The following ZDHHC2 variants were observed in gnomAD, a reference collection of about 807,000 sequenced individuals.
ZDHHC2 encodes the protein palmitoyltransferase ZDHHC2.
A neutral mutation model predicts 55.6 loss-of-function variants in ZDHHC2; 51 were observed. That is an observed-to-expected ratio of 0.92 (90% CI 0.73 to 1.16). The LOEUF is 1.16. Among genes scored for constraint, ZDHHC2 ranks in the 50% most tolerant of loss-of-function variants. The pLI is 0.00. For synonymous variants in ZDHHC2, 199 were observed against 152.9 expected (o/e 1.30, Z -2.22); for missense variants, 491 against 442.4 (o/e 1.11, Z -0.99).
intron 1 of ZDHHC2, among the ~76,000 whole-genome samples, chr8:17,175,774 G>A (rs1193729568): frequency 1.3e-5 from 2 of 152,228 alleles, no homozygotes; most frequent in Non-Finnish European, 1.5e-5. Context: ...TACAGGTTGT[G>A]TGAGATGCTA....
At chr8:17,157,093 CCGA>C (rs1263397287) in intron 1 of ZDHHC2, among the ~76,000 whole-genome samples, 5 of 152,202 alleles carry the variant, frequency 3.3e-5, no homozygotes, top group African/African-American at 1.2e-4. Flanking sequence ...GCACTCGCCG[CCGA>C]GCCTCCCGCC....
chr8:17,156,552 C>G lies in ZDHHC2; in HGVS notation c.-172C>G, dbSNP rs1804053141. 9.0e-6 allele frequency: 3 copies of G among 333,100 alleles called. No homozygotes were observed. Among genetic ancestry groups the G allele is most frequent in the Non-Finnish European group, 1.3e-5 (3 of 232,418 alleles). 20.6% of individuals were successfully genotyped at this position (333,100 alleles called of 1,614,324 possible). ...GCTGAGGAGCCGGGAGTCCGCCGCG[C>G]CGGCTCGGGGCTGCGGGATGGGGAG... On this transcript the variant is annotated 5_prime_UTR_variant, in exon 1 of 13. Transcript: ENST00000262096.
At chr8:17,200,357 C>T (rs1302170240) in intron 6 of ZDHHC2, among the ~76,000 whole-genome samples, 1 of 152,236 alleles carries the variant, frequency 6.6e-6, no homozygotes, top group Admixed American at 6.5e-5. Flanking sequence ...AATGCTTTAT[C>T]CTTCCTGTCT....
intron 10 of ZDHHC2, among the ~76,000 whole-genome samples, 169 bp from the exon 11 acceptor site, chr8:17,215,068 G>A (rs1323765768): frequency 6.6e-6 from 1 of 152,096 alleles, no homozygotes; most frequent in Non-Finnish European, 1.5e-5. Context: ...TTCTCACCGC[G>A]AGTCAGTGCT....
rs1805716883 is a variant in ZDHHC2, at chr8:17,186,468, A to AC, written c.252+43_252+44insC. 4 of 1,180,952 alleles carry AC rather than the reference A, an allele frequency of 3.4e-6. No homozygotes were observed. In the African/African-American group the frequency reaches 4.9e-5, roughly 14 times the overall value. The allele number at this position is 1,180,952 out of a possible 1,614,324, so 73.2% of individuals were successfully genotyped here. ...CGAAATTATTCTAATAATAGAAATC[A>AC]ATAATACTGATGTATTATTGAAGAA... On this transcript the variant is annotated intron_variant, in intron 3 of 12. Transcript: ENST00000262096.
At chr8:17,183,858 T>G (rs1345503893) in intron 1 of ZDHHC2, among the ~76,000 whole-genome samples, 3 of 152,048 alleles carry the variant, frequency 2.0e-5, no homozygotes, top group East Asian at 3.9e-4. Context: ...ATGCCTGAAC[T>G]TATATTTGGT....
At chr8:17,194,274 T>G (rs1339439435) in intron 3 of ZDHHC2, among the ~76,000 whole-genome samples, 1 of 150,832 alleles carries the variant, frequency 6.6e-6, no homozygotes, top group Admixed American at 6.6e-5. Flanking sequence ...GACATATCAC[T>G]TTTAAAGTTT....
At chr8:17,217,305 G>T in intron 12 of ZDHHC2, 59 bp downstream of exon 12, 6 of 1,201,288 alleles carry the variant, frequency 5.0e-6, no homozygotes, top group Non-Finnish European at 5.8e-6. Context: ...TTTTATTAGG[G>T]CAAATAGTTT....
intron 1 of ZDHHC2, among the ~76,000 whole-genome samples, chr8:17,172,814 C>G (rs1180376585): frequency 6.6e-6 from 1 of 152,068 alleles, no homozygotes; most frequent in Non-Finnish European, 1.5e-5. Flanking sequence ...GGTCAGGAAG[C>G]CTATCCCATC....
intron 1 of ZDHHC2, among the ~76,000 whole-genome samples, chr8:17,177,202 A>C (rs559897394): frequency 6.6e-6 from 1 of 152,344 alleles, no homozygotes; most frequent in African/African-American, 2.4e-5. Context: ...ACAGAAAATT[A>C]GCTTAGGGAG....
intron 6 of ZDHHC2, among the ~76,000 whole-genome samples, chr8:17,202,107 AAC>A (rs1806814497): frequency 6.6e-6 from 1 of 152,256 alleles, no homozygotes; most frequent in Non-Finnish European, 1.5e-5. Flanking sequence ...AAGGTTAAGT[AAC>A]ACAAATAAAA....
chr8:17,204,344 T>C (rs1336979694), intron 6 of ZDHHC2, among the ~76,000 whole-genome samples: 1 of 152,152 alleles, frequency 6.6e-6, no homozygotes, highest in Admixed American at 6.5e-5. Flanking sequence ...ACAAGAACGT[T>C]TGAGAAAAGG....
At chr8:17,218,979 G>T (rs1005272137) in intron 12 of ZDHHC2, among the ~76,000 whole-genome samples, 4 of 151,832 alleles carry the variant, frequency 2.6e-5, no homozygotes, top group Non-Finnish European at 2.9e-5. Flanking sequence ...GGCCGGGCGC[G>T]GTGGCTCACG....
intron 6 of ZDHHC2, among the ~76,000 whole-genome samples, chr8:17,205,305 T>C (rs141779080): frequency 3.3e-5 from 5 of 152,344 alleles, no homozygotes; most frequent in Non-Finnish European, 5.9e-5. Flanking sequence ...AACCCAAAGA[T>C]GGCGTAGAGG....
Position 17,156,556 on chromosome 8 carries a change from C to T in ZDHHC2, c.-168C>T, listed in dbSNP as rs1804053561. The T allele has an allele frequency of 2.8e-6, 1 of 355,176 alleles. No individual in the cohort carries two copies. The highest frequency in any genetic ancestry group is 4.0e-6 in the Non-Finnish European group (1 of 252,244). 22.0% of individuals were successfully genotyped at this position (355,176 alleles called of 1,614,324 possible). ...AGGAGCCGGGAGTCCGCCGCGCCGG[C>T]TCGGGGCTGCGGGATGGGGAGTTAG... On this transcript the variant is annotated 5_prime_UTR_variant, in exon 1 of 13. Coordinates refer to ENST00000262096, the MANE Select transcript of ZDHHC2 (RefSeq NM_016353.5).
At chr8:17,187,383 A>T (rs1406519109) in intron 3 of ZDHHC2, among the ~76,000 whole-genome samples, 1 of 152,148 alleles carries the variant, frequency 6.6e-6, no homozygotes, top group African/African-American at 2.4e-5. Flanking sequence ...GCTAACTCTA[A>T]TAACAGTGTA....
rs34608913 is a variant in ZDHHC2, at chr8:17,221,980, GTTTTTTTTTTTT to G, written c.*1769_*1780del. ...TTAAGAATTATATGAAGTCAGGTTT[GTTTTTTTTTTTT>G]TTTTTTTTTCAAAGCACAGTACTGT... is the stretch of plus-strand genomic sequence containing the variant. On this transcript the variant is annotated 3_prime_UTR_variant, in exon 13 of 13. Coordinates refer to ENST00000262096, the MANE Select transcript of ZDHHC2 (RefSeq NM_016353.5). 4 of 99,572 alleles carry G rather than the reference GTTTTTTTTTTTT, an allele frequency of 4.0e-5. No individual in the cohort carries two copies. The highest frequency in any genetic ancestry group is 1.5e-4 in the African/African-American group (4 of 26,544). 6.2% of individuals were successfully genotyped at this position (99,572 alleles called of 1,614,324 possible). A position where few individuals can be genotyped will look rare whatever the true frequency, so the allele number is the denominator to read the frequency against.
intron 1 of ZDHHC2, among the ~76,000 whole-genome samples, chr8:17,176,428 A>G (rs1161714384): frequency 6.6e-6 from 1 of 152,166 alleles, no homozygotes; most frequent in African/African-American, 2.4e-5. Context: ...TGTTAGAATG[A>G]CTTTTGCCTT....
chr8:17,193,196 G>A (rs925174129), intron 3 of ZDHHC2, among the ~76,000 whole-genome samples: 17 of 152,166 alleles, frequency 1.1e-4, no homozygotes, highest in African/African-American at 3.9e-4. Context: ...TCCTTGGGAA[G>A]GCTTTCCAGG....
Sources: allele counts gnomAD v4.1 joint callset (sites outside exome capture counted in the v4.1 genomes callset), GRCh38; gene constraint gnomAD v4.1.1; transcripts MANE v1.5; gene names NCBI Gene and HGNC (gene_info 2026-07-23, HGNC 2026-07-21).